Variants in CHRNB2 observed in about 807,000 individuals in gnomAD.
The protein encoded by CHRNB2 is neuronal acetylcholine receptor subunit beta-2.
A neutral mutation model predicts 42.7 loss-of-function variants in CHRNB2; 33 were observed. That is an observed-to-expected ratio of 0.77 (90% CI 0.59 to 1.03). The LOEUF is 1.03. CHRNB2 is among the 50% of genes least tolerant of loss of function. The pLI, the probability that CHRNB2 is intolerant of heterozygous loss-of-function variation, is 0.00. For synonymous variants in CHRNB2, 325 were observed against 292.9 expected (o/e 1.11, Z -1.12); for missense variants, 603 against 700.9 (o/e 0.86, Z 1.58).
In CHRNB2 at chr1:154,575,669, G is replaced by A. The variant is rs1383364922; in HGVS notation, c.1339-93G>A. The stretch of plus-strand genomic sequence containing the variant: ...TCTGGGATCACTGCAGGAGAGGAGT[G>A]GGGTGTGTGTCTGTGTGGTGGGACC... On this transcript the variant is annotated intron_variant, in intron 5 of 5. Coordinates refer to ENST00000368476, the MANE Select transcript of CHRNB2 (RefSeq NM_000748.3). 9.1e-6 allele frequency: 11 copies of A among 1,208,188 alleles called. No homozygotes were observed. In the East Asian group the frequency reaches 2.6e-4, roughly 28 times the overall value. 74.8% of individuals were successfully genotyped at this position (1,208,188 alleles called of 1,614,324 possible).
At position 154,568,009 on chromosome 1, in the gene CHRNB2, G is replaced by C; in HGVS notation, c.-36G>C. On this transcript the variant is annotated 5_prime_UTR_variant, in exon 1 of 6. Transcript: ENST00000368476. ...GCCCTCCCCCCGGCGGCGCGCTCCA[G>C]CCGGTGTAGGCGAGGCAGCGAGCTA... 2 of 1,516,222 alleles carry C rather than the reference G, an allele frequency of 1.3e-6. No homozygotes were observed. Among genetic ancestry groups the C allele is most frequent in the Non-Finnish European group, 1.8e-6 (2 of 1,136,810 alleles). 93.9% of individuals were successfully genotyped at this position (1,516,222 alleles called of 1,614,324 possible).
chr1:154,572,180 G>T lies in CHRNB2; in HGVS notation c.1338+19G>T. 6.5e-7 allele frequency: 1 copy of T among 1,535,776 alleles called. No homozygotes were observed. The highest frequency in any genetic ancestry group is 8.7e-7 in the Non-Finnish European group (1 of 1,146,476). ...CCAGAGCGTGAGTGCCGCAGGCTGGGACCCCGGGCGTGAGATATGGGGTCT... is the reference window on the plus strand; with the variant it reads ...CCAGAGCGTGAGTGCCGCAGGCTGGTACCCCGGGCGTGAGATATGGGGTCT... On this transcript the variant is annotated intron_variant, in intron 5 of 5. Transcript: ENST00000368476.
In CHRNB2 at chr1:154,567,778, A is replaced by C; in HGVS notation, c.-267A>C. 2.4e-6 allele frequency: 1 copy of C among 408,630 alleles called. No individual in the cohort carries two copies. The highest frequency in any genetic ancestry group is 4.3e-6 in the Non-Finnish European group (1 of 233,478). The allele number at this position is 408,630 out of a possible 1,614,324, so 25.3% of individuals were successfully genotyped here. A position where few individuals can be genotyped will look rare whatever the true frequency, so the allele number is the denominator to read the frequency against. On this transcript the variant is annotated 5_prime_UTR_variant, in exon 1 of 6. Coordinates refer to ENST00000368476, the MANE Select transcript of CHRNB2 (RefSeq NM_000748.3). Reference sequence around the variant, plus strand: ...CCCAGCGTTTCCGCCTCCGGGGCGCAGACTCCTCCCCCTCACCGTCCCAAT... The same window carrying C: ...CCCAGCGTTTCCGCCTCCGGGGCGCCGACTCCTCCCCCTCACCGTCCCAAT...
chr1:154,575,098 A>G (rs375898265), intron 5 of CHRNB2, among the ~76,000 whole-genome samples: 157 of 152,378 alleles, frequency 1.0e-3, no homozygotes, highest in African/African-American at 3.5e-3. Context: ...TGATCATAAA[A>G]GGAGCCAGGC....
chr1:154,568,588 C>G (rs1262176373), intron 1 of CHRNB2, among the ~76,000 whole-genome samples: 1 of 152,082 alleles, frequency 6.6e-6, no homozygotes, highest in Non-Finnish European at 1.5e-5. Flanking sequence ...GGGGAGAAAA[C>G]GGAACGGACT....
In CHRNB2 at chr1:154,575,804, C is replaced by T. The variant is rs1206411079; in HGVS notation, c.1381C>T (p.Leu461Phe). ...WKYVAMVIDR[L>F]FLWIFVFVCV... ...GTACGTCGCCATGGTGATCGACCGC[C>T]TCTTCCTCTGGATCTTTGTCTTTGT... The change falls in exon 6 of 6, where the codon CTC becomes TTC. Residue 461 changes from leucine (L) to phenylalanine (F), a missense_variant. Leu to Phe is a conservative substitution (Grantham distance 22, BLOSUM62 0). This residue lies in a region of CHRNB2 where 270 missense variants were observed against 248.3 expected (regional missense o/e 1.09). Coordinates refer to ENST00000368476, the MANE Select transcript of CHRNB2 (RefSeq NM_000748.3). 3 of 1,614,090 alleles carry T rather than the reference C, an allele frequency of 1.9e-6. No homozygotes were observed. In the East Asian group the frequency reaches 6.7e-5, roughly 36 times the overall value.
rs531060141 is a variant in CHRNB2, at chr1:154,578,717, C to T, written c.*2785C>T. On this transcript the variant is annotated 3_prime_UTR_variant, in exon 6 of 6. Transcript: ENST00000368476. ...TCTCTTCCACCCTTGGGTCGTGTGT[C>T]GTCCTCTTCTCTTGATGTCAGGGAA... 3 of 152,230 alleles carry T rather than the reference C, an allele frequency of 2.0e-5. No homozygotes were observed. The highest frequency in any genetic ancestry group is 1.9e-4 in the East Asian group (1 of 5,188). The allele number at this position is 152,230 out of a possible 1,614,324, so 9.4% of individuals were successfully genotyped here.
chr1:154,572,291 G>GC (rs1696190940), intron 5 of CHRNB2, 130 bp downstream of exon 5: 1 of 1,489,560 alleles, frequency 6.7e-7, no homozygotes, highest in Non-Finnish European at 8.9e-7. Context: ...TGTGAGTCAG[G>GC]CCTGTGTTGC....
In CHRNB2 at chr1:154,568,087, G is replaced by A. The variant is rs1243957006; in HGVS notation, c.43G>A (p.Gly15Ser). 1 of 1,603,764 alleles carries A rather than the reference G, an allele frequency of 6.2e-7. No individual in the cohort carries two copies. The highest frequency in any genetic ancestry group is 1.3e-5 in the African/African-American group (1 of 74,910). ...CGPVALLLGFGLLRLCSGVWG... is the reference protein window; with the variant it reads ...CGPVALLLGFSLLRLCSGVWG... ...CCCCGTGGCGCTGCTCCTTGGCTTCGGCCTCCTCCGGCTGTGCTCAGGTAA... is the reference window on the plus strand; with the variant it reads ...CCCCGTGGCGCTGCTCCTTGGCTTCAGCCTCCTCCGGCTGTGCTCAGGTAA... Residue 15 changes from glycine to serine, a missense_variant, in exon 1 of 6, where the codon GGC becomes AGC. Transcript: ENST00000368476.
At position 154,568,034 on chromosome 1, in the gene CHRNB2, A is replaced by G. The variant is rs1220553107; in HGVS notation, c.-11A>G. 6.3e-7 allele frequency: 1 copy of G among 1,583,180 alleles called. No homozygotes were observed. The highest frequency in any genetic ancestry group is 2.3e-5 in the East Asian group (1 of 43,186). On this transcript the variant is annotated 5_prime_UTR_variant, in exon 1 of 6. The change abolishes an upstream ATG in the 5' untranslated region. Transcript: ENST00000368476. ...GCCGGTGTAGGCGAGGCAGCGAGCT[A>G]TGCCCGCGGCATGGCCCGGCGCTGC...
In CHRNB2 at chr1:154,579,343, G is replaced by A. The variant is rs142290757; in HGVS notation, c.*3411G>A. 8.5e-5 allele frequency: 13 copies of A among 152,376 alleles called. No individual in the cohort carries two copies. The highest frequency in any genetic ancestry group is 3.4e-3 in the Middle Eastern group (1 of 296). 9.4% of individuals were successfully genotyped at this position (152,376 alleles called of 1,614,324 possible). On this transcript the variant is annotated 3_prime_UTR_variant, in exon 6 of 6. Transcript: ENST00000368476. ...CCTATGGGAAGGGGCCTCCACCTAC[G>A]TAACAGAAATGCGGCTCAGAAAGAC...
chr1:154,575,937 C>G lies in CHRNB2; in HGVS notation c.*5C>G. 1.9e-6 allele frequency: 3 copies of G among 1,614,158 alleles called. No individual in the cohort carries two copies. Among genetic ancestry groups the G allele is most frequent in the Non-Finnish European group, 2.5e-6 (3 of 1,180,042 alleles). ...TCAGCCCCCAGCTCCAAGTGAGGCCCTTCCTCATCTCCATGCTCTTTCACC... is the reference window on the plus strand; with the variant it reads ...TCAGCCCCCAGCTCCAAGTGAGGCCGTTCCTCATCTCCATGCTCTTTCACC... On this transcript the variant is annotated 3_prime_UTR_variant, in exon 6 of 6. Coordinates refer to ENST00000368476, the MANE Select transcript of CHRNB2 (RefSeq NM_000748.3).
rs111292452 is a variant in CHRNB2, at chr1:154,573,372, A to G, written c.1338+1211A>G. On this transcript the variant is annotated intron_variant, in intron 5 of 5. Coordinates refer to ENST00000368476, the MANE Select transcript of CHRNB2 (RefSeq NM_000748.3). ...AAACTCAACATGCTCAAAACTGAGT[A>G]TTTGGTCTACATCCTAACCACCAAC... is the stretch of plus-strand genomic sequence containing the variant. Among the ~76,000 whole-genome samples, 9 of 152,328 alleles carry G rather than the reference A, an allele frequency of 5.9e-5. 2 individuals carry two copies. The highest frequency in any genetic ancestry group is 2.2e-4 in the African/African-American group (9 of 41,578).
rs202135710 is a variant in CHRNB2 at position 154,575,846 on chromosome 1, A to C, written c.1423A>C (p.Ile475Leu). Residue 475 changes from isoleucine (I) to leucine (L), a missense_variant, in exon 6 of 6, where the codon ATC (isoleucine) becomes CTC (leucine). Ile to Leu is a conservative substitution (Grantham distance 5). Coordinates refer to ENST00000368476, the MANE Select transcript of CHRNB2 (RefSeq NM_000748.3). The part of the protein sequence containing the change: ...IFVFVCVFGT[I>L]GMFLQPLFQN... ...TGTCTTTGTCTGTGTCTTTGGCACC[A>C]TCGGCATGTTCCTGCAGCCTCTCTT... 2.1e-5 allele frequency: 34 copies of C among 1,614,018 alleles called. No individual in the cohort carries two copies. Among genetic ancestry groups the C allele is most frequent in the Admixed American group, 3.3e-5 (2 of 59,998 alleles).
chr1:154,568,183 C>T, intron 1 of CHRNB2, 75 bp downstream of exon 1: 1 of 1,495,704 alleles, frequency 6.7e-7, no homozygotes, highest in Non-Finnish European at 9.1e-7. Flanking sequence ...CTCTGACTCA[C>T]CCCTGCTAGG....
chr1:154,575,824 C>CT lies in CHRNB2; in HGVS notation c.1404dup (p.Val469CysfsTer137). The CT allele has an allele frequency of 6.2e-7, 1 of 1,614,180 alleles. No homozygotes were observed. The highest frequency in any genetic ancestry group is 1.1e-5 in the South Asian group (1 of 91,088). On this transcript the variant is annotated frameshift_variant, in exon 6 of 6. Coordinates refer to ENST00000368476, the MANE Select transcript of CHRNB2 (RefSeq NM_000748.3). LOFTEE classifies it high-confidence loss of function. The stretch of plus-strand genomic sequence containing the variant: ...ACCGCCTCTTCCTCTGGATCTTTGT[C>CT]TTTGTCTGTGTCTTTGGCACCATCG...
intron 5 of CHRNB2, among the ~76,000 whole-genome samples, chr1:154,572,428 T>C (rs1696194230): frequency 6.6e-6 from 1 of 152,124 alleles, no homozygotes; most frequent in Non-Finnish European, 1.5e-5. Flanking sequence ...ATGCCTGAGC[T>C]GGGGCATCGT....
At chr1:154,574,412 A>C (rs1571025088) in intron 5 of CHRNB2, among the ~76,000 whole-genome samples, 1 of 152,190 alleles carries the variant, frequency 6.6e-6, no homozygotes, top group Non-Finnish European at 1.5e-5. Context: ...GTCTCAAATT[A>C]CATTTAGTTG....
intron 5 of CHRNB2, among the ~76,000 whole-genome samples, chr1:154,572,530 C>A (rs558337162): frequency 5.3e-5 from 8 of 152,104 alleles, no homozygotes; most frequent in Non-Finnish European, 1.0e-4. Context: ...CCCCACCCCC[C>A]GCTGCTTGCA....
Sources: gnomAD v4.1 joint callset for allele counts (sites outside exome capture counted in the v4.1 genomes callset) on GRCh38, gnomAD v4.1.1 for gene constraint, gnomAD v4.1.1 regional missense constraint, MANE v1.5 for transcripts, NCBI Gene and HGNC (gene_info 2026-07-23, HGNC 2026-07-21) for gene names.